The following PHF6 variants were observed in gnomAD, a reference collection of about 807,000 sequenced individuals.
PHF6 encodes PHD-like zinc finger protein.
In PHF6, 7 loss-of-function variants were observed where a neutral mutation model predicts 34.0. That is an observed-to-expected ratio of 0.21 (90% CI 0.12 to 0.39). The LOEUF is 0.39. Ranked by LOEUF, PHF6 falls within the 10% of genes least tolerant of loss-of-function variation. The pLI is 1.00. For missense variants in PHF6, 128 were observed against 262.8 expected, an observed-to-expected ratio of 0.49 and a Z score of 3.55; for synonymous variants, 89 against 88.4, an observed-to-expected ratio of 1.01 and a Z score of -0.04.
intron 3 of PHF6, among the ~76,000 whole-genome samples, chrX:134,385,514 A>G (rs2077327997): frequency 1.8e-5 from 2 of 111,753 alleles, no homozygotes; most frequent in South Asian, 7.4e-4. Flanking sequence ...TAGTGTTCTA[A>G]TAAATAAGTG....
At chrX:134,419,294 G>T (rs988814268) in intron 9 of PHF6, 1 of 111,195 alleles carries the variant, frequency 9.0e-6, no homozygotes, top group African/African-American at 3.3e-5. Context: ...AGGCTTAGGT[G>T]GGAGGATTGC....
chrX:134,396,593 A>T (rs1435566764), intron 5 of PHF6, among the ~76,000 whole-genome samples: 1 of 111,179 alleles, frequency 9.0e-6, no homozygotes, highest in Non-Finnish European at 1.9e-5. Context: ...CTATAGAACA[A>T]TGGGCGGGGG....
chrX:134,416,272 A>G (rs757797752), intron 8 of PHF6, among the ~76,000 whole-genome samples: 2 of 111,556 alleles, frequency 1.8e-5, no homozygotes, highest in Admixed American at 1.9e-4. Context: ...AACTTTCGTA[A>G]CAGAGCCTGT....
intron 6 of PHF6, 28 bp downstream of exon 6, chrX:134,413,685 A>T (rs1195871734): frequency 3.3e-6 from 4 of 1,201,946 alleles, no homozygotes; most frequent in Non-Finnish European, 3.4e-6. Context: ...TTGGATTCTT[A>T]CTTTTGTTGC....
chrX:134,383,383 C>G (rs1251275168), intron 3 of PHF6, among the ~76,000 whole-genome samples: 1 of 111,377 alleles, frequency 9.0e-6, no homozygotes, highest in Non-Finnish European at 1.9e-5. Flanking sequence ...TTAAGTATTT[C>G]TCTTAATTTA....
intron 5 of PHF6, among the ~76,000 whole-genome samples, chrX:134,409,008 C>T (rs1009678192): frequency 1.8e-5 from 2 of 112,148 alleles, no homozygotes; most frequent in African/African-American, 6.5e-5. Flanking sequence ...GCTACCGCAC[C>T]GGCCCCAATT....
Position 134,393,606 on chromosome X carries a change from C to T in PHF6, c.346C>T (p.Arg116Ter). Residue 116 changes from arginine to a stop codon, truncating the protein, a stop_gained, in exon 4 of 11, where the codon CGA becomes TGA. Transcript: ENST00000370803. LOFTEE classifies it high-confidence loss of function. Reference protein sequence around the residue: ...HCALHDKAQIREKPSQGIYMV... With the variant: ...HCALHDKAQI Reference sequence around the variant, plus strand: ...TGCATTGCATGATAAAGCTCAAATACGAGAGAAACCTTCACAAGGAATTTA... The same window carrying T: ...TGCATTGCATGATAAAGCTCAAATATGAGAGAAACCTTCACAAGGAATTTA... 1 of 1,205,516 alleles carries T rather than the reference C, an allele frequency of 8.3e-7. No homozygotes were observed. Among genetic ancestry groups the T allele is most frequent in the Non-Finnish European group, 1.1e-6 (1 of 890,851 alleles).
At chrX:134,424,256 A>G (rs1235341317) in intron 9 of PHF6, among the ~76,000 whole-genome samples, 1 of 111,916 alleles carries the variant, frequency 8.9e-6, no homozygotes, top group Non-Finnish European at 1.9e-5. Flanking sequence ...AGAACCAAGC[A>G]TGATATCAAA....
At chrX:134,409,052 C>T (rs756146993) in intron 5 of PHF6, among the ~76,000 whole-genome samples, 2 of 112,098 alleles carry the variant, frequency 1.8e-5, no homozygotes, top group Non-Finnish European at 3.8e-5. Flanking sequence ...GTGCCTTTAG[C>T]TGTACAAAAG....
intron 1 of PHF6, among the ~76,000 whole-genome samples, chrX:134,375,044 A>G (rs977043656): frequency 5.4e-5 from 6 of 112,002 alleles, no homozygotes; most frequent in Non-Finnish European, 1.1e-4. Flanking sequence ...ATGTGACAAC[A>G]TTAGATAAAA....
intron 5 of PHF6, among the ~76,000 whole-genome samples, chrX:134,412,473 T>C (rs1296844688): frequency 8.9e-6 from 1 of 111,880 alleles, no homozygotes; most frequent in Non-Finnish European, 1.9e-5. Context: ...GGAGTTGATA[T>C]GCTTTCTCAT....
intron 5 of PHF6, among the ~76,000 whole-genome samples, chrX:134,412,278 T>G (rs909053893): frequency 3.6e-5 from 4 of 112,193 alleles, no homozygotes; most frequent in Admixed American, 1.9e-4. Flanking sequence ...ACCAGAGCTA[T>G]GTGAAGTTGC....
intron 9 of PHF6, among the ~76,000 whole-genome samples, chrX:134,421,524 T>C (rs1189132161): frequency 2.7e-5 from 3 of 111,770 alleles, no homozygotes; most frequent in Non-Finnish European, 5.6e-5. Flanking sequence ...TCAGATTGTA[T>C]GGAGAATTAT....
At chrX:134,416,035 C>T (rs1340716546) in intron 8 of PHF6, among the ~76,000 whole-genome samples, 2 of 110,657 alleles carry the variant, frequency 1.8e-5, no homozygotes, top group Non-Finnish European at 3.8e-5. Flanking sequence ...TCTCGGCTCA[C>T]TGTAACCTCT....
chrX:134,380,111 A>G (rs943100807), intron 3 of PHF6, among the ~76,000 whole-genome samples: 1 of 110,479 alleles, frequency 9.1e-6, no homozygotes, highest in Non-Finnish European at 1.9e-5. Context: ...ACATCTGTCA[A>G]TATTGCGAAG....
At chrX:134,419,163 A>G (rs1246345216) in intron 9 of PHF6, 1 of 111,553 alleles carries the variant, frequency 9.0e-6, no homozygotes, top group Non-Finnish European at 1.9e-5. Context: ...TCTCACTTTT[A>G]TAAATATACA....
chrX:134,411,775 C>T (rs748054662), intron 5 of PHF6, among the ~76,000 whole-genome samples: 1 of 111,610 alleles, frequency 9.0e-6, no homozygotes, highest in South Asian at 3.8e-4. Context: ...CTCTGTCACC[C>T]AGGCTGGAGT....
intron 3 of PHF6, among the ~76,000 whole-genome samples, chrX:134,388,330 T>C (rs1461055472): frequency 2.7e-5 from 3 of 111,983 alleles, no homozygotes; most frequent in Non-Finnish European, 5.6e-5. Flanking sequence ...TAAAGTAAGC[T>C]GCTTTCACTT....
chrX:134,407,246 A>G (rs184314021), intron 5 of PHF6, among the ~76,000 whole-genome samples: 1 of 112,630 alleles, frequency 8.9e-6, no homozygotes, highest in Admixed American at 9.4e-5. Flanking sequence ...GAGATAATGC[A>G]TATAAACCAC....
Sources: gnomAD v4.1 joint callset for allele counts (sites outside exome capture counted in the v4.1 genomes callset) on GRCh38, gnomAD v4.1.1 for gene constraint, MANE v1.5 for transcripts, NCBI Gene and HGNC (gene_info 2026-07-23, HGNC 2026-07-21) for gene names.